The following CSMD2 variants were observed in gnomAD, a reference collection of about 807,000 sequenced individuals.
CSMD2 encodes CUB and Sushi multiple domains 2.
CSMD2 carries 130 observed loss-of-function variants against 398.5 expected under a neutral mutation model. The ratio of observed to expected loss-of-function variants is 0.33; its 90% CI spans 0.28 to 0.38. The LOEUF (loss-of-function observed/expected upper bound fraction) is 0.38. Ranked by LOEUF, CSMD2 falls within the 10% of genes least tolerant of loss-of-function variation. The pLI is 1.00. For missense variants in CSMD2, 3,829 were observed against 4,764.9 expected (o/e 0.80, Z 5.78); for synonymous variants, 1,828 against 1,908.5 (o/e 0.96, Z 1.10).
At chr1:33,645,874 T>C (rs975028705) in intron 29 of CSMD2, among the ~76,000 whole-genome samples, 2 of 152,254 alleles carry the variant, frequency 1.3e-5, no homozygotes, top group African/African-American at 4.8e-5. Flanking sequence ...TCAATGCTCT[T>C]AACTGGGCAG....
intron 44 of CSMD2, among the ~76,000 whole-genome samples, chr1:33,589,342 G>A (rs187334731): frequency 6.6e-6 from 1 of 152,246 alleles, no homozygotes; most frequent in Non-Finnish European, 1.5e-5. Flanking sequence ...GGCTCACCCT[G>A]GGTCAGGCAC....
intron 3 of CSMD2, among the ~76,000 whole-genome samples, chr1:34,007,265 C>T (rs1472270946): frequency 6.6e-6 from 1 of 152,128 alleles, no homozygotes; most frequent in Non-Finnish European, 1.5e-5. Context: ...CTGGGGAAAG[C>T]ATACAAGGAG....
chr1:34,081,531 G>C (rs1158492087), intron 2 of CSMD2, among the ~76,000 whole-genome samples: 1 of 151,816 alleles, frequency 6.6e-6, no homozygotes, highest in Non-Finnish European at 1.5e-5. Flanking sequence ...TGATTCTCCT[G>C]CCTCGGCCTG....
intron 6 of CSMD2, among the ~76,000 whole-genome samples, chr1:33,826,191 G>T (rs146868529): frequency 3.3e-4 from 51 of 152,296 alleles, no homozygotes; most frequent in African/African-American, 1.2e-3. Flanking sequence ...TTCTGAGTCA[G>T]CCCTGACAGG....
In CSMD2 at chr1:33,718,200, C is replaced by T. The variant is rs192428738; in HGVS notation, c.3002-1699G>A. Among the ~76,000 whole-genome samples, 470 of 152,236 alleles carry T rather than the reference C, an allele frequency of 3.1e-3. 2 individuals carry two copies. Among genetic ancestry groups the T allele is most frequent in the South Asian group, 0.011 (55 of 4,828 alleles). ...CTGTGCTCTCAGCTACTCCAGGGTG[C>T]GGCCTCTCAGGCTACAGAAAGAGAG... On this transcript the variant is annotated intron_variant, in intron 19 of 70. Transcript: ENST00000373381.
At chr1:34,140,519 C>A (rs1042972948) in intron 1 of CSMD2, among the ~76,000 whole-genome samples, 10 of 152,136 alleles carry the variant, frequency 6.6e-5, no homozygotes, top group African/African-American at 2.4e-4. Context: ...TTAGCAGGTC[C>A]CATCACCTTG....
chr1:33,710,979 A>G (rs1040448266), intron 21 of CSMD2, among the ~76,000 whole-genome samples: 1 of 152,126 alleles, frequency 6.6e-6, no homozygotes, highest in Admixed American at 6.5e-5. Flanking sequence ...TTTCTCTTGG[A>G]GGAGAAATCT....
rs752801851 is a variant in CSMD2, at chr1:33,636,453, C to G, written c.4876G>C (p.Gly1626Arg). The G allele has an allele frequency of 8.1e-6, 13 of 1,614,158 alleles. No individual in the cohort carries two copies. The highest frequency in any genetic ancestry group is 1.1e-5 in the Non-Finnish European group (13 of 1,180,024). ...GAGGTGCCCTCAACTTCGTAGCCCC[C>G]GTGGCAGTAGTAGGTGACGGAGGAG... ...LGSSVTYYCH[G>R]GYEVEGTSTL... Residue 1626 changes from glycine (G) to arginine (R), a missense_variant, in exon 30 of 71, where the codon GGG becomes CGG. Transcript: ENST00000373381. The surrounding 1 kb of genome is among the most constrained non-coding windows in gnomAD (Gnocchi z 4.8).
chr1:33,747,026 G>A (rs1647480696), intron 13 of CSMD2, among the ~76,000 whole-genome samples: 1 of 152,154 alleles, frequency 6.6e-6, no homozygotes, highest in Non-Finnish European at 1.5e-5. Context: ...AATGAGCCAA[G>A]TTGTTAAACA....
chr1:33,832,748 C>T (rs868667790), intron 6 of CSMD2, among the ~76,000 whole-genome samples: 25 of 151,002 alleles, frequency 1.7e-4, no homozygotes, highest in East Asian at 3.9e-4. Context: ...ATTGATAGAC[C>T]GCTAGCAAGA....
At chr1:34,038,465 T>G (rs371143167) in intron 2 of CSMD2, among the ~76,000 whole-genome samples, 3 of 152,238 alleles carry the variant, frequency 2.0e-5, no homozygotes, top group Non-Finnish European at 4.4e-5. Context: ...TATTGTCTTC[T>G]CATTTTCTCC....
At chr1:33,951,575 C>A (rs2125370332) in intron 3 of CSMD2, among the ~76,000 whole-genome samples, 1 of 152,292 alleles carries the variant, frequency 6.6e-6, no homozygotes, top group South Asian at 2.1e-4. Context: ...CCCACCTACC[C>A]CCTCGCCCGT....
chr1:33,577,259 G>C (rs988372460), intron 49 of CSMD2, 37 bp downstream of exon 49: 2 of 1,556,774 alleles, frequency 1.3e-6, no homozygotes, highest in Non-Finnish European at 1.7e-6. Flanking sequence ...AGTTGGATCC[G>C]AGCTACCTTG....
intron 3 of CSMD2, among the ~76,000 whole-genome samples, chr1:33,939,062 G>A (rs1303715169): frequency 6.6e-6 from 1 of 151,840 alleles, no homozygotes; most frequent in Non-Finnish European, 1.5e-5. Flanking sequence ...CCATGCTGCT[G>A]GCTTACTTGA....
At chr1:33,964,591 A>T (rs1645491385) in intron 3 of CSMD2, among the ~76,000 whole-genome samples, 1 of 152,156 alleles carries the variant, frequency 6.6e-6, no homozygotes, top group Non-Finnish European at 1.5e-5. Flanking sequence ...CACTCCCAAC[A>T]AGACTTCTGC....
intron 3 of CSMD2, among the ~76,000 whole-genome samples, chr1:33,974,591 T>C (rs900943645): frequency 2.0e-5 from 3 of 152,226 alleles, no homozygotes; most frequent in Admixed American, 2.0e-4. Flanking sequence ...CTGCTTGATG[T>C]CCCAGGGCTA....
Position 33,532,899 on chromosome 1 carries a change from TCTTCTAGA to T in CSMD2, c.10171+143_10171+150del, listed in dbSNP as rs1655382661. The T allele has an allele frequency of 5.0e-6, 4 of 801,902 alleles. No homozygotes were observed. In the Admixed American group the frequency reaches 1.2e-4, roughly 24 times the overall value. 49.7% of individuals were successfully genotyped at this position (801,902 alleles called of 1,614,324 possible). ...ACCTTTTTAGACCGCTCTGCTTTGCTCTTCTAGACTCAAAACCTTAGAAAATCAGAAGC... is the reference window on the plus strand; with the variant it reads ...ACCTTTTTAGACCGCTCTGCTTTGCTCTCAAAACCTTAGAAAATCAGAAGC... On this transcript the variant is annotated intron_variant, in intron 64 of 70. Coordinates refer to ENST00000373381, the MANE Select transcript of CSMD2 (RefSeq NM_001281956.2).
chr1:33,816,917 A>G, intron 9 of CSMD2, among the ~76,000 whole-genome samples: 1 of 152,220 alleles, frequency 6.6e-6, no homozygotes, highest in African/African-American at 2.4e-5. Flanking sequence ...ATCAAATCAT[A>G]TTTTAACTGC....
At chr1:33,830,624 G>A (rs565037301) in intron 6 of CSMD2, among the ~76,000 whole-genome samples, 27 of 152,154 alleles carry the variant, frequency 1.8e-4, no homozygotes, top group African/African-American at 5.1e-4. Flanking sequence ...CCAAAGGAAC[G>A]CAGTTCCTCA....
Sources: gnomAD v4.1 joint callset for allele counts (sites outside exome capture counted in the v4.1 genomes callset) on GRCh38, gnomAD v4.1.1 for gene constraint, Gnocchi (gnomAD v3.1) non-coding constraint, MANE v1.5 for transcripts, NCBI Gene and HGNC (gene_info 2026-07-23, HGNC 2026-07-21) for gene names.